Variants in WDTC1 observed in about 807,000 individuals in gnomAD.
WDTC1 encodes WD and tetratricopeptide repeats 1, also known as WD and tetratricopeptide repeats protein 1.
In WDTC1, 12 loss-of-function variants were observed where a neutral mutation model predicts 76.0. The observed-to-expected ratio is 0.16, with a 90% CI of 0.10 to 0.26. WDTC1 has a LOEUF of 0.26. Among genes scored for constraint, WDTC1 ranks in the 10% least tolerant of loss-of-function variants. The pLI is 1.00. For missense variants in WDTC1, 511 were observed against 908.8 expected (o/e 0.56, Z 5.63); for synonymous variants, 326 against 350.8 (o/e 0.93, Z 0.79).
chr1:27,281,303 A>G lies in WDTC1; in HGVS notation c.133-936A>G, dbSNP rs1253929730. Among the ~76,000 whole-genome samples the G allele has an allele frequency of 4.6e-5, 7 of 151,958 alleles. No homozygotes were observed. The East Asian group carries it at 1.2e-3, about 25-fold the overall frequency. On this transcript the variant is annotated intron_variant, in intron 3 of 15. Transcript: ENST00000319394. ...CTCTGTCTCTACTAAAAATACAAAA[A>G]ATTAGCCTGGCGTGTTGGCGGGCGC...
Position 27,283,326 on chromosome 1 carries a change from C to G in WDTC1, c.180-12C>G, listed in dbSNP as rs2013242764. ...TTTGAGGAGAGATCACAATCCCTCA[C>G]TCTGCTTTCAGCTTGCTGGCCTCTG... On this transcript the variant is annotated splice_polypyrimidine_tract_variant and intron_variant, in intron 4 of 15. Transcript: ENST00000319394. 3.7e-6 allele frequency: 6 copies of G among 1,612,918 alleles called. No homozygotes were observed. The highest frequency in any genetic ancestry group is 5.1e-6 in the Non-Finnish European group (6 of 1,179,566).
At chr1:27,284,952 C>T (rs772296971) in intron 5 of WDTC1, among the ~76,000 whole-genome samples, 29 of 151,662 alleles carry the variant, frequency 1.9e-4, no homozygotes, top group Non-Finnish European at 3.2e-4. Flanking sequence ...GAGTGTATGC[C>T]GTCTCTAGAC....
chr1:27,300,622 G>C (rs2013806902), intron 12 of WDTC1, among the ~76,000 whole-genome samples: 1 of 152,134 alleles, frequency 6.6e-6, no homozygotes, highest in Non-Finnish European at 1.5e-5. Context: ...CCAGAGAGCT[G>C]ACTCTGCCAG....
intron 3 of WDTC1, among the ~76,000 whole-genome samples, chr1:27,265,424 G>C (rs2012630058): frequency 6.6e-6 from 1 of 152,084 alleles, no homozygotes; most frequent in Non-Finnish European, 1.5e-5. Flanking sequence ...TTTTATTGTT[G>C]TTTTTTAGTG....
In WDTC1 at chr1:27,287,669, T is replaced by A. The variant is rs1489249108; in HGVS notation, c.292-5T>A. 1.2e-6 allele frequency: 2 copies of A among 1,612,350 alleles called. No homozygotes were observed. The highest frequency in any genetic ancestry group is 1.7e-6 in the Non-Finnish European group (2 of 1,179,386). ...CCCACCCCTTCCTCCATTTCTCCTA[T>A]ATAGTTCCTGCCTCACGCTGGGGAC... On this transcript the variant is annotated splice_region_variant and splice_polypyrimidine_tract_variant and intron_variant, in intron 5 of 15. Coordinates refer to ENST00000319394, the MANE Select transcript of WDTC1 (RefSeq NM_001276252.2).
chr1:27,240,512 C>T (rs1327032600), intron 1 of WDTC1, among the ~76,000 whole-genome samples: 3 of 152,074 alleles, frequency 2.0e-5, no homozygotes. Context: ...ACTGATTGCC[C>T]TCAAGAGCCA....
rs1042184589 is a variant in WDTC1 at position 27,274,020 on chromosome 1, T to C, written c.133-8219T>C. On this transcript the variant is annotated intron_variant, in intron 3 of 15. Coordinates refer to ENST00000319394, the MANE Select transcript of WDTC1 (RefSeq NM_001276252.2). The surrounding 1 kb of genome is among the most constrained non-coding windows in gnomAD (Gnocchi z 4.2). Reference sequence around the variant, plus strand: ...TTAGGAAAATACAAAGGGCTGAGCATAGTGGCTCACACCTGTAATCCTATC... The same window carrying C: ...TTAGGAAAATACAAAGGGCTGAGCACAGTGGCTCACACCTGTAATCCTATC... Among the ~76,000 whole-genome samples the C allele has an allele frequency of 6.6e-6, 1 of 152,142 alleles. No individual in the cohort carries two copies. The highest frequency in any genetic ancestry group is 1.5e-5 in the Non-Finnish European group (1 of 68,026).
chr1:27,295,461 T>G (rs939429895), intron 9 of WDTC1, among the ~76,000 whole-genome samples: 1 of 151,880 alleles, frequency 6.6e-6, no homozygotes, highest in Middle Eastern at 3.2e-3. Context: ...GTTTTTTGTT[T>G]TTTTTTTTTG....
intron 3 of WDTC1, among the ~76,000 whole-genome samples, chr1:27,276,937 G>T (rs978344452): frequency 6.6e-6 from 1 of 151,724 alleles, no homozygotes; most frequent in African/African-American, 2.4e-5. Flanking sequence ...TGTATGATTT[G>T]AAATTTTGTT....
In WDTC1 at chr1:27,305,262, C is replaced by T. The variant is rs1411519432; in HGVS notation, c.1836+69C>T. On this transcript the variant is annotated intron_variant, in intron 15 of 15. Transcript: ENST00000319394. The surrounding 1 kb of genome is among the most constrained non-coding windows in gnomAD (Gnocchi z 4.6). ...GGAAGGCTCCAGTGGAGCCTGCTAG[C>T]GCAGGGAAGAGAAATGAGCCACCCA... The T allele has an allele frequency of 1.5e-5, 23 of 1,526,018 alleles. No homozygotes were observed. Among genetic ancestry groups the T allele is most frequent in the East Asian group, 2.3e-5 (1 of 42,892 alleles). 94.5% of individuals were successfully genotyped at this position (1,526,018 alleles called of 1,614,324 possible).
rs2011460727 is a variant in WDTC1 at position 27,234,902 on chromosome 1, AT to A, written c.-148del. 1.0e-5 allele frequency: 4 copies of A among 393,676 alleles called. No individual in the cohort carries two copies. Among genetic ancestry groups the A allele is most frequent in the Non-Finnish European group, 1.8e-5 (4 of 223,048 alleles). The allele number at this position is 393,676 out of a possible 1,614,324, so 24.4% of individuals were successfully genotyped here. ...GAGGGGCCGCCCCCCCCGGACGGAC[AT>A]GGGCTCCTGAAGTTGCGCCGCTGCC... On this transcript the variant is annotated 5_prime_UTR_variant, in exon 1 of 16. The change abolishes an upstream ATG in the 5' untranslated region. Transcript: ENST00000319394.
chr1:27,268,422 GTT>G (rs2012745347), intron 3 of WDTC1, among the ~76,000 whole-genome samples: 4 of 151,102 alleles, frequency 2.6e-5, no homozygotes, highest in Admixed American at 6.6e-5. Flanking sequence ...TTGTTTGTTT[GTT>G]TGTGGTTTTT....
intron 1 of WDTC1, among the ~76,000 whole-genome samples, chr1:27,247,162 T>G (rs370313328): frequency 4.6e-4 from 70 of 152,030 alleles, no homozygotes; most frequent in Middle Eastern, 3.4e-3. Flanking sequence ...GTTTAAGCGA[T>G]TCTCCTGCCT....
chr1:27,296,358 G>A lies in WDTC1; in HGVS notation c.906G>A (p.Arg302=). 1 of 1,614,026 alleles carries A rather than the reference G, an allele frequency of 6.2e-7. No individual in the cohort carries two copies. The part of the protein sequence containing the change: ...VYLFDLTYKQ[R]PYTFLLPRKC... ...TGTTTGACTTGACTTACAAGCAGCG[G>A]CCGTACACCTTCCTCTTGCCTAGAA... is the stretch of plus-strand genomic sequence containing the variant. Residue 302 remains arginine (R), a synonymous_variant, in exon 10 of 16, where the codon CGG becomes CGA. Coordinates refer to ENST00000319394, the MANE Select transcript of WDTC1 (RefSeq NM_001276252.2).
At chr1:27,235,165 G>C (rs1323784593) in intron 1 of WDTC1, among the ~76,000 whole-genome samples, 1 of 152,030 alleles carries the variant, frequency 6.6e-6, no homozygotes, top group Non-Finnish European at 1.5e-5. Context: ...TGGGGGCGGA[G>C]GGTTTGGTCG....
intron 3 of WDTC1, among the ~76,000 whole-genome samples, chr1:27,273,683 A>C (rs780936826): frequency 1.2e-4 from 19 of 152,264 alleles, no homozygotes; most frequent in Admixed American, 9.8e-4. Flanking sequence ...TCTGATTTTG[A>C]TAAATATGCG....
At chr1:27,282,156 TGTTCA>T in intron 3 of WDTC1, 78 bp from the exon 4 acceptor site, 1 of 1,335,264 alleles carries the variant, frequency 7.5e-7, no homozygotes, top group Non-Finnish European at 1.1e-6. Context: ...CTGGTTTACC[TGTTCA>T]GTTCCACTTC....
chr1:27,296,987 C>A, intron 10 of WDTC1, 61 bp from the exon 11 acceptor site: 1 of 1,484,846 alleles, frequency 6.7e-7, no homozygotes, highest in Non-Finnish European at 9.4e-7. Context: ...AGAGGGCTGC[C>A]AGGAAGAAAT....
chr1:27,307,363 GA>G lies in WDTC1; in HGVS notation c.*983del. ...TGGGTCTCCTGAGCCACTCAGATGGGAAAGTCCCTTACTCGGCCCCTCCCTC... is the reference window on the plus strand; with the variant it reads ...TGGGTCTCCTGAGCCACTCAGATGGGAAGTCCCTTACTCGGCCCCTCCCTC... On this transcript the variant is annotated 3_prime_UTR_variant, in exon 16 of 16. Coordinates refer to ENST00000319394, the MANE Select transcript of WDTC1 (RefSeq NM_001276252.2). This position sits in a 1 kb window ranked among gnomAD's most constrained non-coding sequence, Gnocchi z 4.1. 6.5e-6 allele frequency: 1 copy of G among 153,224 alleles called. No homozygotes were observed. Among genetic ancestry groups the G allele is most frequent in the Non-Finnish European group, 1.5e-5 (1 of 68,404 alleles). 9.5% of individuals were successfully genotyped at this position (153,224 alleles called of 1,614,324 possible).
Sources: gnomAD v4.1 joint callset for allele counts (sites outside exome capture counted in the v4.1 genomes callset) on GRCh38, gnomAD v4.1.1 for gene constraint, Gnocchi (gnomAD v3.1) non-coding constraint, MANE v1.5 for transcripts, NCBI Gene and HGNC (gene_info 2026-07-23, HGNC 2026-07-21) for gene names.